ZSWIM6: variants seen among roughly 807,000 people sequenced by gnomAD.
The protein encoded by ZSWIM6 is zinc finger SWIM-type containing 6.
A neutral mutation model predicts 113.2 loss-of-function variants in ZSWIM6; 9 were observed. The observed-to-expected ratio is 0.08, with a 90% CI of 0.05 to 0.14. The LOEUF (loss-of-function observed/expected upper bound fraction) is 0.14, where lower values mean the gene tolerates loss of function less well. ZSWIM6 is among the 10% of genes least tolerant of loss of function. The probability of loss-of-function intolerance (pLI) is 1.00; values close to 1 mark genes in which losing one functional copy is unlikely to be tolerated. For missense variants in ZSWIM6, 1,162 were observed against 1,552.2 expected (o/e 0.75, Z 4.22); for synonymous variants, 611 against 606.5 (o/e 1.01, Z -0.11).
At chr5:61,428,411 G>A (rs762605691) in intron 1 of ZSWIM6, among the ~76,000 whole-genome samples, 2 of 152,136 alleles carry the variant, frequency 1.3e-5, no homozygotes, top group Non-Finnish European at 2.9e-5. Flanking sequence ...CACCCACGCT[G>A]GAGCACAGTG....
chr5:61,378,191 A>C (rs926377597), intron 1 of ZSWIM6, among the ~76,000 whole-genome samples: 1 of 152,252 alleles, frequency 6.6e-6, no homozygotes, highest in Non-Finnish European at 1.5e-5. Flanking sequence ...AGAATGGCCA[A>C]GTTTTATTGA....
intron 4 of ZSWIM6, among the ~76,000 whole-genome samples, chr5:61,505,695 C>G (rs1352073437): frequency 1.0e-5 from 1 of 95,762 alleles, no homozygotes; most frequent in Non-Finnish European, 2.4e-5. Context: ...TCCCTCCCTC[C>G]CTTCCTTCCT....
chr5:61,515,623 C>T (rs1415673476), intron 4 of ZSWIM6, among the ~76,000 whole-genome samples: 2 of 152,244 alleles, frequency 1.3e-5, no homozygotes, highest in East Asian at 3.9e-4. Flanking sequence ...AAGGACCTCA[C>T]CTCTCAACAC....
At chr5:61,512,193 A>G (rs543445296) in intron 4 of ZSWIM6, among the ~76,000 whole-genome samples, 7 of 152,080 alleles carry the variant, frequency 4.6e-5, no homozygotes, top group Non-Finnish European at 8.8e-5. Context: ...ATTCCAGAAT[A>G]TCATATCAGT....
chr5:61,493,314 A>AT (rs1748229439), intron 3 of ZSWIM6, among the ~76,000 whole-genome samples: 2 of 152,140 alleles, frequency 1.3e-5, no homozygotes, highest in Non-Finnish European at 2.9e-5. Context: ...AACTTAAGTG[A>AT]GAGAGAACCT....
At chr5:61,487,640 G>GT (rs910828812) in intron 2 of ZSWIM6, among the ~76,000 whole-genome samples, 1 of 151,564 alleles carries the variant, frequency 6.6e-6, no homozygotes, top group African/African-American at 2.4e-5. Flanking sequence ...ATTTTATTTT[G>GT]TTTTTTGGTA....
chr5:61,376,111 A>G (rs912253754), intron 1 of ZSWIM6, among the ~76,000 whole-genome samples: 1 of 79,382 alleles, frequency 1.3e-5, no homozygotes, highest in African/African-American at 5.0e-5. Flanking sequence ...ACTAGTGGTT[A>G]AGATATTTGG....
chr5:61,533,184 G>A (rs1749487277), intron 9 of ZSWIM6, among the ~76,000 whole-genome samples: 1 of 152,062 alleles, frequency 6.6e-6, no homozygotes, highest in South Asian at 2.1e-4. Flanking sequence ...TCCTTTCCTG[G>A]CCCTGCAAGG....
intron 1 of ZSWIM6, among the ~76,000 whole-genome samples, chr5:61,363,228 C>G (rs1745069824): frequency 1.3e-5 from 2 of 152,164 alleles, no homozygotes; most frequent in Non-Finnish European, 2.9e-5. Context: ...TTAGTACAGG[C>G]TAACAGCACC....
intron 1 of ZSWIM6, among the ~76,000 whole-genome samples, chr5:61,460,608 C>T (rs1747303091): frequency 6.6e-6 from 1 of 152,102 alleles, no homozygotes; most frequent in African/African-American, 2.4e-5. Context: ...CCAACTTAAT[C>T]TGTCTTGTTA....
chr5:61,472,812 T>C lies in ZSWIM6; in HGVS notation c.808T>C (p.Phe270Leu). The C allele has an allele frequency of 6.4e-7, 1 of 1,551,856 alleles. No individual in the cohort carries two copies. Among genetic ancestry groups the C allele is most frequent in the Non-Finnish European group, 8.7e-7 (1 of 1,147,098 alleles). ...VTCSCGNKDI[F>L]YCAHVVALSL... is the part of the protein sequence containing the mutation. ...CTGCAGCTGTGGAAACAAGGACATA[T>C]TTTATTGTGCCCATGTTGTGGCACT... The change falls in exon 2 of 14, where the codon TTT becomes CTT. Residue 270 changes from phenylalanine (F) to leucine (L), a missense_variant. This residue lies in a region of ZSWIM6 where 96 missense variants were observed against 240.3 expected (regional missense o/e 0.40). Coordinates refer to ENST00000252744, the MANE Select transcript of ZSWIM6 (RefSeq NM_020928.2). The surrounding 1 kb of genome is among the most constrained non-coding windows in gnomAD (Gnocchi z 4.1).
At chr5:61,411,742 G>C (rs1402245687) in intron 1 of ZSWIM6, among the ~76,000 whole-genome samples, 1 of 152,112 alleles carries the variant, frequency 6.6e-6, no homozygotes, top group Non-Finnish European at 1.5e-5. Context: ...TCTTCATGTG[G>C]TAGAAGGAAA....
intron 5 of ZSWIM6, among the ~76,000 whole-genome samples, chr5:61,523,584 T>A (rs1172027288): frequency 6.6e-6 from 1 of 152,216 alleles, no homozygotes; most frequent in Admixed American, 6.5e-5. Flanking sequence ...ATTTATCATT[T>A]AAAAAAATTG....
chr5:61,502,391 G>A (rs946235713), intron 4 of ZSWIM6, among the ~76,000 whole-genome samples: 2 of 152,144 alleles, frequency 1.3e-5, no homozygotes, highest in Non-Finnish European at 2.9e-5. Flanking sequence ...TTAGAGGGGG[G>A]TGTTCAGACA....
rs1744268275 is a variant in ZSWIM6 at position 61,332,353 on chromosome 5, C to T, written c.81C>T (p.Ser27=). ...GCGGCGGCGGCGGCGGCGGGGGCAG[C>T]AGCGGCGGCGGCGGCGGCGCGGGTG... ...RPGGGGGGGG[S]SGGGGGAGGG... The change falls in exon 1 of 14, where the codon AGC becomes AGT. Residue 27 remains serine (S), a synonymous_variant. Coordinates refer to ENST00000252744, the MANE Select transcript of ZSWIM6 (RefSeq NM_020928.2). 4.0e-6 allele frequency: 4 copies of T among 1,011,748 alleles called. No individual in the cohort carries two copies. Among genetic ancestry groups the T allele is most frequent in the Non-Finnish European group, 4.8e-6 (4 of 833,402 alleles). The allele number at this position is 1,011,748 out of a possible 1,614,324, so 62.7% of individuals were successfully genotyped here. A position where few individuals can be genotyped will look rare whatever the true frequency, so the allele number is the denominator to read the frequency against.
At chr5:61,333,204 C>T (rs1176769712) in intron 1 of ZSWIM6, among the ~76,000 whole-genome samples, 2 of 151,922 alleles carry the variant, frequency 1.3e-5, no homozygotes, top group African/African-American at 2.4e-5. Flanking sequence ...GGGCTCCGCG[C>T]CCCCGGCCCG....
chr5:61,379,289 T>C (rs1397752230), intron 1 of ZSWIM6, among the ~76,000 whole-genome samples: 2 of 152,136 alleles, frequency 1.3e-5, no homozygotes, highest in Non-Finnish European at 2.9e-5. Context: ...CAGAAATGTT[T>C]TTCTTACTGC....
At chr5:61,341,661 T>G (rs1161529178) in intron 1 of ZSWIM6, among the ~76,000 whole-genome samples, 3 of 152,128 alleles carry the variant, frequency 2.0e-5, no homozygotes, top group Admixed American at 6.5e-5. Context: ...ACAACAGAAG[T>G]TTGCTCTCAA....
chr5:61,514,885 C>T (rs1748888795), intron 4 of ZSWIM6, among the ~76,000 whole-genome samples: 2 of 152,222 alleles, frequency 1.3e-5, no homozygotes, highest in East Asian at 3.9e-4. Flanking sequence ...ATGCTGGCCT[C>T]ATACAGTGGG....
Sources: gnomAD v4.1 joint callset for allele counts (sites outside exome capture counted in the v4.1 genomes callset) on GRCh38, gnomAD v4.1.1 for gene constraint, gnomAD v4.1.1 regional missense constraint, Gnocchi (gnomAD v3.1) non-coding constraint, MANE v1.5 for transcripts, NCBI Gene and HGNC (gene_info 2026-07-23, HGNC 2026-07-21) for gene names.